Variants in MYH10 observed in about 807,000 individuals in gnomAD.
The protein encoded by MYH10 is myosin-10.
In MYH10, 55 loss-of-function variants were observed where a neutral mutation model predicts 257.8. The observed-to-expected ratio is 0.21, with a 90% confidence interval of 0.17 to 0.27. The LOEUF is 0.27. Ranked by LOEUF, MYH10 falls within the 10% of genes least tolerant of loss-of-function variation. MYH10 has a pLI of 1.00. For synonymous variants in MYH10, 854 were observed against 921.7 expected, an observed-to-expected ratio of 0.93 and a Z score of 1.33; for missense variants, 1,631 against 2,500.6, an observed-to-expected ratio of 0.65 and a Z score of 7.42.
chr17:8,608,812 T>TTA (rs1264201998), intron 2 of MYH10, among the ~76,000 whole-genome samples: 1 of 141,692 alleles, frequency 7.1e-6, no homozygotes, highest in African/African-American at 2.5e-5. Context: ...ATTGGGAAAT[T>TTA]TTTTTTTTTT....
At chr17:8,589,131 C>CA (rs759489797) in intron 3 of MYH10, 23 bp from the exon 4 acceptor site, 49 of 1,602,836 alleles carry the variant, frequency 3.1e-5, no homozygotes, top group African/African-American at 1.4e-4. Context: ...ACAAAACAAA[C>CA]AAAAAAAAGA....
At chr17:8,486,985 G>C (rs1181191005) in intron 36 of MYH10, among the ~76,000 whole-genome samples, 6 of 152,170 alleles carry the variant, frequency 3.9e-5, no homozygotes, top group Non-Finnish European at 8.8e-5. Flanking sequence ...CATCCTATAG[G>C]TGAGGGCCCC....
chr17:8,502,271 G>A (rs1197872611), intron 28 of MYH10, among the ~76,000 whole-genome samples: 5 of 152,172 alleles, frequency 3.3e-5, no homozygotes, highest in Non-Finnish European at 7.3e-5. Flanking sequence ...GTGGCTGCCA[G>A]CTCCATGGTC....
At chr17:8,476,442 A>G (rs984817512) in intron 42 of MYH10, among the ~76,000 whole-genome samples, 1 of 152,218 alleles carries the variant, frequency 6.6e-6, no homozygotes, top group African/African-American at 2.4e-5. Flanking sequence ...TCTGGGGCAG[A>G]GACTTCAGCT....
At chr17:8,540,141 C>T (rs754657595) in intron 14 of MYH10, among the ~76,000 whole-genome samples, 13 of 152,166 alleles carry the variant, frequency 8.5e-5, no homozygotes, top group Non-Finnish European at 1.6e-4. Flanking sequence ...AGGCACATGC[C>T]ACCACATCCG....
rs887235111 is a variant in MYH10 at position 8,589,248 on chromosome 17, C to T, written c.503-140G>A. 9.5e-6 allele frequency: 7 copies of T among 733,348 alleles called. No individual in the cohort carries two copies. The African/African-American group carries it at 1.1e-4, about 11-fold the overall frequency. 45.4% of individuals were successfully genotyped at this position (733,348 alleles called of 1,614,324 possible). ...CTCGAGCCAAGTTAATGCCTCCAACCCCATTATACAGTCCTAAATCTAATC... is the reference window on the plus strand; with the variant it reads ...CTCGAGCCAAGTTAATGCCTCCAACTCCATTATACAGTCCTAAATCTAATC... On this transcript the variant is annotated intron_variant, in intron 3 of 42. Coordinates refer to ENST00000360416, the MANE Select transcript of MYH10 (RefSeq NM_001256012.3).
At position 8,530,648 on chromosome 17, in the gene MYH10, A is replaced by G; in HGVS notation, c.1932T>C (p.Ser644=). 1.9e-6 allele frequency: 3 copies of G among 1,549,926 alleles called. No individual in the cohort carries two copies. Among genetic ancestry groups the G allele is most frequent in the East Asian group, 2.4e-5 (1 of 40,880 alleles). The change falls in exon 17 of 43, where the codon AGT becomes AGC. Residue 644 remains serine, a synonymous_variant. Transcript: ENST00000360416. The stretch of plus-strand genomic sequence containing the variant: ...CTGGTGGCTCATGAAGACCAGAAAC[A>G]CTGTCATAGAAAGAAGCTCTCTGAA... ...QNIQRASFYD[S]VSGLHEPPVD...
chr17:8,573,984 A>G (rs1412455578), intron 6 of MYH10: 1 of 205,598 alleles, frequency 4.9e-6, no homozygotes, highest in East Asian at 1.9e-4. Flanking sequence ...CTCTTTAAAA[A>G]TGTTTAACAG....
At chr17:8,524,388 C>T (rs970845240) in intron 17 of MYH10, among the ~76,000 whole-genome samples, 11 of 137,498 alleles carry the variant, frequency 8.0e-5, no homozygotes, top group African/African-American at 1.6e-4. Context: ...AAGCGGAGGT[C>T]GCAGTAAGCT....
chr17:8,496,084 TTTAA>T (rs1402191409), intron 30 of MYH10, among the ~76,000 whole-genome samples: 1 of 152,220 alleles, frequency 6.6e-6, no homozygotes, highest in African/African-American at 2.4e-5. Flanking sequence ...TATGGTCAGA[TTTAA>T]TTAATAATAT....
intron 2 of MYH10, among the ~76,000 whole-genome samples, chr17:8,611,400 G>A (rs1436875656): frequency 2.0e-5 from 3 of 152,182 alleles, no homozygotes; most frequent in African/African-American, 7.2e-5. Context: ...ACAAGTTGTG[G>A]CTGAAATCCA....
intron 19 of MYH10, 100 bp downstream of exon 19, chr17:8,520,778 G>A (rs2081626259): frequency 2.3e-6 from 3 of 1,325,780 alleles, no homozygotes; most frequent in Non-Finnish European, 3.1e-6. Flanking sequence ...AACAAACTAT[G>A]TAGGGGACAA....
At chr17:8,592,959 ATATATATATAT>A (rs1597918549) in intron 3 of MYH10, among the ~76,000 whole-genome samples, 4 of 121,380 alleles carry the variant, frequency 3.3e-5, no homozygotes, top group Admixed American at 8.5e-5. Context: ...ATATATATAT[ATATATATATAT>A]AAAAGATGAT....
intron 16 of MYH10, among the ~76,000 whole-genome samples, chr17:8,531,326 T>C (rs571319234): frequency 3.9e-5 from 6 of 152,086 alleles, no homozygotes; most frequent in Admixed American, 6.6e-5. Flanking sequence ...AGGAGGTACA[T>C]TGACATGAAA....
chr17:8,549,415 A>G (rs2082550391), intron 9 of MYH10, among the ~76,000 whole-genome samples: 2 of 152,244 alleles, frequency 1.3e-5, no homozygotes, highest in African/African-American at 4.8e-5. Context: ...CGTAGGAGAC[A>G]TGAATTAAAG....
chr17:8,508,035 T>A (rs535473073), intron 26 of MYH10, among the ~76,000 whole-genome samples: 127 of 152,190 alleles, frequency 8.3e-4, no homozygotes, highest in African/African-American at 2.9e-3. Flanking sequence ...CACAAAATAA[T>A]CTTAAGAGCC....
intron 3 of MYH10, among the ~76,000 whole-genome samples, chr17:8,600,636 CAG>C (rs2084555624): frequency 6.6e-6 from 1 of 152,086 alleles, no homozygotes; most frequent in Admixed American, 6.5e-5. Flanking sequence ...AGGCTTGAGG[CAG>C]AGAGGAAACA....
In MYH10 at chr17:8,492,593, TAGAGTGCTGCC is replaced by T. The variant is rs967387458; in HGVS notation, c.4459-95_4459-85del. 1.1e-5 allele frequency: 15 copies of T among 1,393,696 alleles called. No homozygotes were observed. In the African/African-American group the frequency reaches 2.2e-4, roughly 20 times the overall value. 86.3% of individuals were successfully genotyped at this position (1,393,696 alleles called of 1,614,324 possible). A position where few individuals can be genotyped will look rare whatever the true frequency, so the allele number is the denominator to read the frequency against. ...TTCCACCATGTGGCTGATTTATCGC[TAGAGTGCTGCC>T]ACTAGATTATGGTGTTCTTGTATTT... is the stretch of plus-strand genomic sequence containing the variant. On this transcript the variant is annotated intron_variant, in intron 33 of 42. Coordinates refer to ENST00000360416, the MANE Select transcript of MYH10 (RefSeq NM_001256012.3).
Position 8,546,642 on chromosome 17 carries a change from G to A in MYH10, c.1180C>T (p.Leu394Phe). The A allele has an allele frequency of 6.2e-7, 1 of 1,613,916 alleles. No homozygotes were observed. Among genetic ancestry groups the A allele is most frequent in the Non-Finnish European group, 8.5e-7 (1 of 1,179,918 alleles). Residue 394 changes from leucine to phenylalanine, a missense_variant, in exon 12 of 43, where the codon CTT becomes TTT. By Grantham distance (22) the Leu-to-Phe change is conservative. Coordinates refer to ENST00000360416, the MANE Select transcript of MYH10 (RefSeq NM_001256012.3). The stretch of plus-strand genomic sequence containing the variant: ...AACTCCATCACATTCATCCCAAGAA[G>A]ATGGCAGAGCTTCTGCGCAACTGAA... ...ENTVAQKLCH[L>F]LGMNVMEFTR... is the part of the protein sequence containing the mutation.
Sources: allele counts gnomAD v4.1 joint callset (sites outside exome capture counted in the v4.1 genomes callset), GRCh38; gene constraint gnomAD v4.1.1; transcripts MANE v1.5; gene names NCBI Gene and HGNC (gene_info 2026-07-23, HGNC 2026-07-21).